The following TRPC4AP variants were observed in gnomAD, a reference collection of about 807,000 sequenced individuals.
TRPC4AP encodes transient receptor potential cation channel subfamily C member 4 associated protein, also known as short transient receptor potential channel 4-associated protein.
TRPC4AP carries 45 observed loss-of-function variants against 99.0 expected under a neutral mutation model. That is an observed-to-expected ratio of 0.45 (90% confidence interval 0.36 to 0.58). The LOEUF (loss-of-function observed/expected upper bound fraction) is 0.58. Ranked by LOEUF, TRPC4AP falls within the 20% of genes least tolerant of loss-of-function variation. The pLI, the probability that TRPC4AP is intolerant of heterozygous loss-of-function variation, is 0.00. For synonymous variants in TRPC4AP, 408 were observed against 385.8 expected (o/e 1.06, Z -0.67); for missense variants, 879 against 985.3 (o/e 0.89, Z 1.44).
chr20:35,031,961 A>G (rs531226897), intron 8 of TRPC4AP, among the ~76,000 whole-genome samples: 1 of 152,126 alleles, frequency 6.6e-6, no homozygotes, highest in East Asian at 1.9e-4. Flanking sequence ...GCACCATCTC[A>G]GCACACTGCA....
rs1170831559 is a variant in TRPC4AP at position 35,003,401 on chromosome 20, G to C, written c.2256+9C>G. The C allele has an allele frequency of 1.2e-6, 2 of 1,614,020 alleles. No individual in the cohort carries two copies. Among genetic ancestry groups the C allele is most frequent in the Non-Finnish European group, 1.7e-6 (2 of 1,179,982 alleles). On this transcript the variant is annotated intron_variant, in intron 18 of 18. Coordinates refer to ENST00000252015, the MANE Select transcript of TRPC4AP (RefSeq NM_015638.3). Reference sequence around the variant, plus strand: ...CCACCCATCACCCCCTTGAGGGTGGGGCACTCACGTTCTCTAGGCAGGTGC... The same window carrying C: ...CCACCCATCACCCCCTTGAGGGTGGCGCACTCACGTTCTCTAGGCAGGTGC...
intron 8 of TRPC4AP, among the ~76,000 whole-genome samples, chr20:35,024,852 A>C (rs7362224): frequency 0.44 from 30,592 of 70,130 alleles, 6,630 homozygotes; most frequent in Middle Eastern, 0.61. Context: ...AAAAAAAAAA[A>C]AAATTCTGTT....
intron 7 of TRPC4AP, among the ~76,000 whole-genome samples, chr20:35,038,218 T>C (rs769103794): frequency 4.6e-5 from 7 of 151,434 alleles, no homozygotes; most frequent in Non-Finnish European, 8.8e-5. Context: ...TAATTTTATG[T>C]TACGTGACTT....
rs1353286253 is a variant in TRPC4AP at position 35,092,766 on chromosome 20, C to G, written c.16G>C (p.Val6Leu). Reference protein sequence around the residue: MAAAPVAAGSGAGRGR... With the variant: MAAAPLAAGSGAGRGR... ...CGGCCGGCTCCAGACCCAGCCGCTA[C>G]CGGCGCCGCCGCCATGTCTCCTCGT... Residue 6 changes from valine to leucine, a missense_variant, in exon 1 of 19, where the codon GTA becomes CTA. Val to Leu is a conservative substitution (Grantham distance 32). Transcript: ENST00000252015. The G allele has an allele frequency of 6.5e-7, 1 of 1,539,684 alleles. No individual in the cohort carries two copies. Among genetic ancestry groups the G allele is most frequent in the East Asian group, 2.6e-5 (1 of 38,714 alleles).
At position 35,035,825 on chromosome 20, in the gene TRPC4AP, T is replaced by TAA. The variant is rs1555908086; in HGVS notation, c.866-518_866-517insTT. ...TGACTCAAAACAGCTGTTTACTTGT[T>TAA]AGAGAGTAAATTATTAAACAATATG... On this transcript the variant is annotated intron_variant, in intron 7 of 18. Coordinates refer to ENST00000252015, the MANE Select transcript of TRPC4AP (RefSeq NM_015638.3). Among the ~76,000 whole-genome samples the TAA allele has an allele frequency of 2.2e-3, 340 of 151,630 alleles. 3 individuals are homozygous for TAA. The highest frequency in any genetic ancestry group is 7.1e-3 in the African/African-American group (294 of 41,354).
At position 35,043,929 on chromosome 20, in the gene TRPC4AP, A is replaced by G. The variant is rs577778790; in HGVS notation, c.865+576T>C. Among the ~76,000 whole-genome samples, 3 of 152,350 alleles carry G rather than the reference A, an allele frequency of 2.0e-5. No individual in the cohort carries two copies. The South Asian group carries it at 6.2e-4, about 32-fold the overall frequency. ...GCCCAGGAGAGACTTAGTAGATCAA[A>G]AAGTATATGCATTTGTAATTCTGAT... On this transcript the variant is annotated intron_variant, in intron 7 of 18. Transcript: ENST00000252015.
intron 4 of TRPC4AP, among the ~76,000 whole-genome samples, chr20:35,056,189 C>T (rs73905063): frequency 0.036 from 5,513 of 152,216 alleles, 333 homozygotes; most frequent in African/African-American, 0.13. Flanking sequence ...ATTTATTTAA[C>T]GACTTCAGAG....
chr20:35,079,647 A>G (rs2084576519), intron 1 of TRPC4AP, among the ~76,000 whole-genome samples: 1 of 152,236 alleles, frequency 6.6e-6, no homozygotes, highest in African/African-American at 2.4e-5. Context: ...TTATCAAGAA[A>G]AAAAGACAGA....
intron 6 of TRPC4AP, among the ~76,000 whole-genome samples, chr20:35,045,048 T>C (rs756325401): frequency 6.6e-6 from 1 of 152,176 alleles, no homozygotes; most frequent in African/African-American, 2.4e-5. Context: ...TTGGAAATCA[T>C]AAATTACCAT....
intron 1 of TRPC4AP, among the ~76,000 whole-genome samples, chr20:35,091,850 T>C (rs188727075): frequency 6.6e-6 from 1 of 152,244 alleles, no homozygotes; most frequent in African/African-American, 2.4e-5. Flanking sequence ...TCTTAAAAGG[T>C]AGGTTACTAA....
chr20:35,082,949 T>C (rs2084685106), intron 1 of TRPC4AP, among the ~76,000 whole-genome samples: 1 of 152,078 alleles, frequency 6.6e-6, no homozygotes, highest in Admixed American at 6.5e-5. Context: ...ATGTTTAAGG[T>C]TTTTTCCCTC....
rs1411849661 is a variant in TRPC4AP, at chr20:35,024,650, C to A, written c.1052-3294G>T. On this transcript the variant is annotated intron_variant, in intron 8 of 18. Transcript: ENST00000252015. ...ACCAGCTTGGGCAACACAGCAAGAT[C>A]CTGTCTCTTTTTATTACAAAAAATA... 4.6e-5 allele frequency among the ~76,000 whole-genome samples: 7 copies of A among 151,786 alleles called. No homozygotes were observed. In the East Asian group the frequency reaches 1.2e-3, roughly 25 times the overall value.
At chr20:35,032,977 TG>T (rs1235393229) in intron 8 of TRPC4AP, among the ~76,000 whole-genome samples, 4 of 151,912 alleles carry the variant, frequency 2.6e-5, no homozygotes, top group Admixed American at 1.3e-4. Flanking sequence ...CCAAGGTGGG[TG>T]GATTGCCTGA....
chr20:35,057,614 T>C (rs1445065024), intron 3 of TRPC4AP, 43 bp from the exon 4 acceptor site: 14 of 1,485,358 alleles, frequency 9.4e-6, no homozygotes, highest in Non-Finnish European at 1.3e-5. Context: ...TAATTCAAAG[T>C]ATAACTTATA....
intron 1 of TRPC4AP, among the ~76,000 whole-genome samples, chr20:35,079,030 C>A (rs911330593): frequency 2.6e-5 from 4 of 152,178 alleles, no homozygotes; most frequent in African/African-American, 9.7e-5. Flanking sequence ...CGCGCCATGG[C>A]ACCCCAGCCT....
rs775955658 is a variant in TRPC4AP, at chr20:35,092,703, C to A, written c.79G>T (p.Gly27Ter). 6.5e-7 allele frequency: 1 copy of A among 1,549,614 alleles called. No homozygotes were observed. The highest frequency in any genetic ancestry group is 8.6e-7 in the Non-Finnish European group (1 of 1,158,784). Residue 27 changes from glycine (G) to a stop codon, truncating the protein, a stop_gained, in exon 1 of 19, where the codon GGA (glycine) becomes TGA (stop). Coordinates refer to ENST00000252015, the MANE Select transcript of TRPC4AP (RefSeq NM_015638.3). LOFTEE classifies it high-confidence loss of function. ...CCAGGCCGCGGCCGGCCGCCCCATC[C>A]GCCCCAAGCCGCCACTGTGGCTGCC... Reference protein sequence around the residue: ...RSAATVAAWGGWGGRPRPGNI... With the variant: ...RSAATVAAWG
chr20:35,013,583 T>C (rs559782927), intron 10 of TRPC4AP, among the ~76,000 whole-genome samples: 1 of 151,948 alleles, frequency 6.6e-6, no homozygotes, highest in African/African-American at 2.4e-5. Flanking sequence ...GTCCCAAAAA[T>C]CCAACCAACC....
chr20:35,069,638 T>C lies in TRPC4AP; in HGVS notation c.298-226A>G, dbSNP rs2084252443. ...TAACAGCATGTGGTAGAAGTGACAC[T>C]AGGCCACTTCCAGCACAAGCCTTAA... On this transcript the variant is annotated intron_variant, in intron 2 of 18. Coordinates refer to ENST00000252015, the MANE Select transcript of TRPC4AP (RefSeq NM_015638.3). 2.0e-5 allele frequency among the ~76,000 whole-genome samples: 3 copies of C among 152,234 alleles called. No homozygotes were observed. The South Asian group carries it at 6.2e-4, about 32-fold the overall frequency.
At chr20:35,021,602 G>T (rs1286622100) in intron 8 of TRPC4AP, among the ~76,000 whole-genome samples, 3 of 152,176 alleles carry the variant, frequency 2.0e-5, no homozygotes, top group Non-Finnish European at 2.9e-5. Context: ...AAAATATTCG[G>T]ACACAGCCAA....
Sources: allele counts gnomAD v4.1 joint callset (sites outside exome capture counted in the v4.1 genomes callset), GRCh38; gene constraint gnomAD v4.1.1; transcripts MANE v1.5; gene names NCBI Gene and HGNC (gene_info 2026-07-23, HGNC 2026-07-21).